CCDC102B: variants seen among roughly 807,000 people sequenced by gnomAD.
The protein encoded by CCDC102B is coiled-coil domain-containing protein 102B.
A neutral mutation model predicts 57.4 loss-of-function variants in CCDC102B; 75 were observed. That is an observed-to-expected ratio of 1.31 (90% confidence interval 1.08 to 1.58). CCDC102B has a LOEUF of 1.58. Among genes scored for constraint, CCDC102B ranks in the 40% most tolerant of loss-of-function variants. The pLI, the probability that CCDC102B is intolerant of heterozygous loss-of-function variation, is 0.00. For synonymous variants in CCDC102B, 206 were observed against 201.9 expected, an observed-to-expected ratio of 1.02 and a Z score of -0.17; for missense variants, 636 against 582.6, an observed-to-expected ratio of 1.09 and a Z score of -0.94.
intron 6 of CCDC102B, among the ~76,000 whole-genome samples, chr18:68,971,059 A>G (rs2050289338): frequency 6.6e-6 from 1 of 152,082 alleles, no homozygotes; most frequent in African/African-American, 2.4e-5. Flanking sequence ...TTTGCAATAC[A>G]GAAACTTTAC....
At chr18:68,797,628 T>C (rs932059745), upstream of CCDC102B, among the ~76,000 whole-genome samples, 1 of 152,286 alleles carries the variant, frequency 6.6e-6, no homozygotes, top group East Asian at 1.9e-4. Flanking sequence ...CTCAAATCTT[T>C]TATTAAATAT....
At chr18:68,734,696 A>G (rs555366375) in intron 2 of CCDC102B, 1 of 152,298 alleles carries the variant, frequency 6.6e-6, no homozygotes, top group East Asian at 1.9e-4. Context: ...GAAATACTTG[A>G]TAATTTTTAT....
At chr18:68,903,152 CACAG>C (rs1801088693) in intron 6 of CCDC102B, among the ~76,000 whole-genome samples, 1 of 152,222 alleles carries the variant, frequency 6.6e-6, no homozygotes, top group South Asian at 2.1e-4. Context: ...AATTGAGAGG[CACAG>C]ACAGAGGGGA....
intron 1 of CCDC102B, among the ~76,000 whole-genome samples, chr18:68,834,668 T>C (rs2144779330): frequency 6.6e-6 from 1 of 151,722 alleles, no homozygotes; most frequent in Admixed American, 6.6e-5. Context: ...AGTGTTACAA[T>C]GAAGAGTGAA....
intron 2 of CCDC102B, among the ~76,000 whole-genome samples, chr18:68,773,042 A>C (rs1189897103): frequency 6.6e-6 from 1 of 152,066 alleles, no homozygotes; most frequent in Non-Finnish European, 1.5e-5. Flanking sequence ...GCTGAATATA[A>C]AATAGAAGCT....
chr18:68,883,927 T>C (rs2039783427), intron 5 of CCDC102B, among the ~76,000 whole-genome samples: 2 of 152,150 alleles, frequency 1.3e-5, no homozygotes, highest in Admixed American at 6.5e-5. Flanking sequence ...TAAATATAAA[T>C]TAACATCTAA....
intron 4 of CCDC102B, among the ~76,000 whole-genome samples, chr18:68,863,728 T>C (rs2038857112): frequency 6.6e-6 from 1 of 151,978 alleles, no homozygotes; most frequent in South Asian, 2.1e-4. Flanking sequence ...AATTTTTCTT[T>C]TTTTAGTATC....
intron 2 of CCDC102B, among the ~76,000 whole-genome samples, chr18:68,775,028 GTT>G (rs1229319223): frequency 6.9e-6 from 1 of 144,170 alleles, no homozygotes; most frequent in Admixed American, 6.9e-5. Flanking sequence ...CTTCTTTTCT[GTT>G]TTTTTTTTGT....
chr18:68,914,539 A>C (rs530398766), intron 6 of CCDC102B, among the ~76,000 whole-genome samples: 2 of 152,218 alleles, frequency 1.3e-5, no homozygotes, highest in African/African-American at 2.4e-5. Flanking sequence ...TGCAATAAAA[A>C]AGTCCTCAGC....
intron 6 of CCDC102B, among the ~76,000 whole-genome samples, chr18:68,977,603 C>A (rs1432483135): frequency 6.7e-6 from 1 of 148,948 alleles, no homozygotes; most frequent in African/African-American, 2.5e-5. Flanking sequence ...GGCTCTTTTT[C>A]TGATTTTATA....
intron 5 of CCDC102B, among the ~76,000 whole-genome samples, chr18:68,876,528 A>G (rs923875582): frequency 6.6e-6 from 1 of 152,234 alleles, no homozygotes. Context: ...TTTAATTTTT[A>G]GAGATTGTCA....
At position 68,837,329 on chromosome 18, in the gene CCDC102B, T is replaced by TA. The variant is rs1469400254; in HGVS notation, c.571dup (p.Arg191LysfsTer11). 1 of 1,610,454 alleles carries TA rather than the reference T, an allele frequency of 6.2e-7. No individual in the cohort carries two copies. The highest frequency in any genetic ancestry group is 1.1e-5 in the South Asian group (1 of 90,212). On this transcript the variant is annotated frameshift_variant, in exon 2 of 8. Coordinates refer to ENST00000360242, the MANE Select transcript of CCDC102B (RefSeq NM_024781.3). LOFTEE classifies it high-confidence loss of function. ...CATGAGTCTATCAGAGAGTATTTGG[T>TA]AAAAAGACAATTTTCTACAAAGGAG...
intron 7 of CCDC102B, among the ~76,000 whole-genome samples, chr18:69,022,224 A>ATATATATATATATATAT (rs1568131201): frequency 2.7e-5 from 3 of 111,778 alleles, no homozygotes; most frequent in Non-Finnish European, 3.4e-5. Context: ...TATATATATA[A>ATATATATATATATATAT]CACACACACA....
intron 1 of CCDC102B, among the ~76,000 whole-genome samples, chr18:68,811,178 T>C (rs957822767): frequency 6.6e-6 from 1 of 152,238 alleles, no homozygotes; most frequent in African/African-American, 2.4e-5. Context: ...TGTGTCTTTA[T>C]AGTAGAATGA....
intron 6 of CCDC102B, among the ~76,000 whole-genome samples, chr18:68,942,694 C>A (rs544254616): frequency 1.4e-4 from 22 of 152,108 alleles, no homozygotes; most frequent in Admixed American, 4.6e-4. Flanking sequence ...ATGGAATATA[C>A]AATCGGGTTT....
chr18:69,014,377 A>C (rs1457188388), intron 7 of CCDC102B, among the ~76,000 whole-genome samples: 1 of 152,180 alleles, frequency 6.6e-6, no homozygotes, highest in Non-Finnish European at 1.5e-5. Context: ...CCTTCTAGAG[A>C]GTAGAGCTAA....
At chr18:68,844,973 AG>A (rs112745986) in intron 3 of CCDC102B, among the ~76,000 whole-genome samples, 48,639 of 151,670 alleles carry the variant, frequency 0.32, 8,184 homozygotes, top group African/African-American at 0.42. Flanking sequence ...TATGTTAATA[AG>A]GGATTCCGGA....
intron 1 of CCDC102B, among the ~76,000 whole-genome samples, chr18:68,806,162 A>T: frequency 6.6e-6 from 1 of 152,152 alleles, no homozygotes; most frequent in East Asian, 1.9e-4. Context: ...TTAGGTTTTT[A>T]TTTACAACTG....
intron 2 of CCDC102B, among the ~76,000 whole-genome samples, chr18:68,761,344 T>G (rs1412365685): frequency 6.6e-6 from 1 of 152,120 alleles, no homozygotes; most frequent in African/African-American, 2.4e-5. Flanking sequence ...TTTTCAATTT[T>G]TATAAATATT....
Sources: allele counts gnomAD v4.1 joint callset (sites outside exome capture counted in the v4.1 genomes callset), GRCh38; gene constraint gnomAD v4.1.1; transcripts MANE v1.5; gene names NCBI Gene and HGNC (gene_info 2026-07-23, HGNC 2026-07-21).